The following LARGE1 variants were observed in gnomAD, a reference collection of about 807,000 sequenced individuals.
LARGE1 encodes the protein xylosyl- and glucuronyltransferase LARGE1.
Under a neutral mutation model 87.6 loss-of-function variants are expected in LARGE1, and 43 were observed. That is an observed-to-expected ratio of 0.49 (90% CI 0.38 to 0.63). LARGE1 has a LOEUF of 0.63. Ranked by LOEUF, LARGE1 falls within the 30% of genes least tolerant of loss-of-function variation. The pLI is 0.00. For missense variants in LARGE1, 802 were observed against 1,000.2 expected (o/e 0.80, Z 2.67); for synonymous variants, 434 against 394.6 (o/e 1.10, Z -1.18).
chr22:33,558,447 G>T (rs1057452564), intron 6 of LARGE1, among the ~76,000 whole-genome samples: 1 of 152,182 alleles, frequency 6.6e-6, no homozygotes, highest in African/African-American at 2.4e-5. Flanking sequence ...TGTCCGTCAG[G>T]TACCAGGATC....
intron 1 of LARGE1, among the ~76,000 whole-genome samples, chr22:33,890,991 C>A (rs952940438): frequency 6.6e-6 from 1 of 152,002 alleles, no homozygotes; most frequent in Non-Finnish European, 1.5e-5. Flanking sequence ...TACCTGTCCC[C>A]GAAGCTACCC....
intron 5 of LARGE1, among the ~76,000 whole-genome samples, chr22:33,569,995 T>C (rs1359099013): frequency 1.3e-5 from 2 of 152,220 alleles, no homozygotes; most frequent in African/African-American, 2.4e-5. Flanking sequence ...GTGTTCATGA[T>C]TGCTAAAATC....
intron 11 of LARGE1, among the ~76,000 whole-genome samples, chr22:33,200,363 G>C (rs1924316414): frequency 6.6e-6 from 1 of 152,180 alleles, no homozygotes; most frequent in Non-Finnish European, 1.5e-5. Context: ...AGGATGTGGA[G>C]AAGTCAAAAC....
At chr22:33,736,103 T>C (rs906596679) in intron 2 of LARGE1, among the ~76,000 whole-genome samples, 3 of 152,212 alleles carry the variant, frequency 2.0e-5, no homozygotes, top group African/African-American at 7.2e-5. Context: ...TTGAAAAATT[T>C]TGTACATGTT....
At chr22:33,546,383 C>T (rs1374498101) in intron 6 of LARGE1, among the ~76,000 whole-genome samples, 1 of 152,118 alleles carries the variant, frequency 6.6e-6, no homozygotes, top group Non-Finnish European at 1.5e-5. Context: ...TCCAGCCAAT[C>T]AACAAGGACC....
chr22:33,277,520 T>G (rs1183304057), intron 13 of LARGE1, among the ~76,000 whole-genome samples: 1 of 152,126 alleles, frequency 6.6e-6, no homozygotes, highest in African/African-American at 2.4e-5. Flanking sequence ...GTTGTCCTTA[T>G]AAGAAGGGGA....
At chr22:33,616,341 TC>T in intron 4 of LARGE1, among the ~76,000 whole-genome samples, 1 of 151,818 alleles carries the variant, frequency 6.6e-6, no homozygotes, top group Non-Finnish European at 1.5e-5. Context: ...ACCCTGTCTC[TC>T]CCAAAAACAA....
intron 2 of LARGE1, among the ~76,000 whole-genome samples, chr22:33,698,318 C>A (rs895941190): frequency 7.0e-6 from 1 of 143,860 alleles, no homozygotes; most frequent in Non-Finnish European, 1.5e-5. Flanking sequence ...AAGCGATCTG[C>A]CCGCCTTAGC....
At chr22:33,740,537 G>A (rs1208296715) in intron 2 of LARGE1, among the ~76,000 whole-genome samples, 1 of 152,172 alleles carries the variant, frequency 6.6e-6, no homozygotes, top group Non-Finnish European at 1.5e-5. Flanking sequence ...CAGAAACTAT[G>A]TCTTAATCTT....
intron 2 of LARGE1, among the ~76,000 whole-genome samples, chr22:33,748,982 T>C (rs1470467568): frequency 2.6e-5 from 4 of 152,096 alleles, no homozygotes. Flanking sequence ...CGTTTTTGCA[T>C]CCCTCCCAGG....
chr22:33,855,346 T>C (rs913863684), intron 1 of LARGE1, among the ~76,000 whole-genome samples: 1 of 151,552 alleles, frequency 6.6e-6, no homozygotes, highest in African/African-American at 2.4e-5. Flanking sequence ...AAAAAATAAA[T>C]AAATAAAAAT....
intron 11 of LARGE1, among the ~76,000 whole-genome samples, chr22:33,251,908 C>T (rs929365578): frequency 1.3e-5 from 2 of 152,302 alleles, no homozygotes; most frequent in South Asian, 2.1e-4. Flanking sequence ...TTAATAACTA[C>T]CAGCCAGTCC....
intron 3 of LARGE1, among the ~76,000 whole-genome samples, chr22:33,638,630 G>C (rs2080339897): frequency 6.6e-6 from 1 of 152,198 alleles, no homozygotes; most frequent in Non-Finnish European, 1.5e-5. Context: ...AAACTGCCTA[G>C]GTTTAATCCC....
intron 9 of LARGE1, among the ~76,000 whole-genome samples, chr22:33,342,388 C>T (rs527832056): frequency 6.6e-5 from 10 of 152,334 alleles, no homozygotes; most frequent in South Asian, 2.1e-4. Context: ...ACTTAAGAGA[C>T]ATGGTCTCAT....
the LARGE1 span, among the ~76,000 whole-genome samples, chr22:33,120,458 CTCTTTCTT>C: frequency 2.1e-5 from 3 of 145,406 alleles, no homozygotes; most frequent in African/African-American, 7.6e-5. Flanking sequence ...CTCTCTCTCT[CTCTTTCTT>C]TCTTTCTTTC....
upstream of LARGE1, among the ~76,000 whole-genome samples, chr22:33,921,803 G>A (rs1054638691): frequency 6.6e-6 from 1 of 152,126 alleles, no homozygotes; most frequent in Non-Finnish European, 1.5e-5. The surrounding 1 kb of genome is among the most constrained non-coding windows in gnomAD (Gnocchi z 4.1). Flanking sequence ...GGACCAGGGT[G>A]GGGGTACGGA....
chr22:33,627,219 T>C (rs946798291), intron 3 of LARGE1, among the ~76,000 whole-genome samples: 5 of 152,222 alleles, frequency 3.3e-5, no homozygotes, highest in Admixed American at 3.3e-4. Context: ...ACTTTTCTAT[T>C]TTCCTCCTGC....
At chr22:33,883,584 T>C (rs763023025) in intron 1 of LARGE1, among the ~76,000 whole-genome samples, 4 of 152,260 alleles carry the variant, frequency 2.6e-5, no homozygotes, top group Admixed American at 6.5e-5. Flanking sequence ...CCAGAACAAT[T>C]GGGTTCCTCT....
chr22:33,902,738 T>G (rs969370958), intron 1 of LARGE1, among the ~76,000 whole-genome samples: 2 of 152,204 alleles, frequency 1.3e-5, no homozygotes, highest in African/African-American at 4.8e-5. Context: ...CAACAGATGA[T>G]GTTATAGGCT....
Sources: gnomAD v4.1 joint callset for allele counts (sites outside exome capture counted in the v4.1 genomes callset) on GRCh38, gnomAD v4.1.1 for gene constraint, Gnocchi (gnomAD v3.1) non-coding constraint, MANE v1.5 for transcripts, NCBI Gene and HGNC (gene_info 2026-07-23, HGNC 2026-07-21) for gene names.